The following PTPN13 variants were observed in gnomAD, a reference collection of about 807,000 sequenced individuals.
The protein encoded by PTPN13 is tyrosine-protein phosphatase non-receptor type 13.
A neutral mutation model predicts 284.0 loss-of-function variants in PTPN13; 191 were observed. That is an observed-to-expected ratio of 0.67 (90% CI 0.60 to 0.76). The LOEUF is 0.76. PTPN13 is among the 30% of genes least tolerant of loss of function. The probability of loss-of-function intolerance (pLI) is 0.00; values close to 1 mark genes in which losing one functional copy is unlikely to be tolerated. For synonymous variants in PTPN13, 986 were observed against 1,022.3 expected (o/e 0.96, Z 0.68); for missense variants, 2,797 against 2,939.9 (o/e 0.95, Z 1.12).
At chr4:86,700,802 A>G (rs1731074961) in intron 6 of PTPN13, among the ~76,000 whole-genome samples, 1 of 152,196 alleles carries the variant, frequency 6.6e-6, no homozygotes, top group Non-Finnish European at 1.5e-5. Context: ...ATGTATTTAA[A>G]AGATCGAAAT....
intron 26 of PTPN13, among the ~76,000 whole-genome samples, chr4:86,766,074 C>A (rs1022982229): frequency 5.3e-5 from 8 of 152,302 alleles, no homozygotes; most frequent in South Asian, 4.1e-4. Context: ...GTGATCCCCC[C>A]ACTTTGGCCT....
At chr4:86,785,791 T>A in intron 39 of PTPN13, 57 bp from the exon 40 acceptor site, 1 of 1,136,480 alleles carries the variant, frequency 8.8e-7, no homozygotes, top group Non-Finnish European at 1.2e-6. Flanking sequence ...AATGAAAACT[T>A]TTCTACTTCC....
intron 10 of PTPN13, among the ~76,000 whole-genome samples, chr4:86,723,783 A>T (rs1733931015): frequency 6.6e-6 from 1 of 152,196 alleles, no homozygotes; most frequent in Admixed American, 6.5e-5. Context: ...CATTTGTAAC[A>T]TTAGTTTAAA....
rs533329147 is a variant in PTPN13, at chr4:86,774,172, G to A, written c.5350-201G>A. On this transcript the variant is annotated intron_variant, in intron 32 of 47. Transcript: ENST00000411767. ...TGTTGTGCTTAAACATAACTTTTACGTGGGATGCAGTGGGGGGACAGTCTG... is the reference window on the plus strand; with the variant it reads ...TGTTGTGCTTAAACATAACTTTTACATGGGATGCAGTGGGGGGACAGTCTG... Among the ~76,000 whole-genome samples the A allele has an allele frequency of 6.6e-5, 10 of 152,158 alleles. No individual in the cohort carries two copies. In the South Asian group the frequency reaches 8.3e-4, roughly 13 times the overall value.
At chr4:86,745,222 C>A in intron 17 of PTPN13, 94 bp downstream of exon 17, 1 of 1,205,156 alleles carries the variant, frequency 8.3e-7, no homozygotes, top group Admixed American at 2.7e-5. Flanking sequence ...AGGATGAAAA[C>A]TTACAATGTA....
rs112240670 is a variant in PTPN13, at chr4:86,801,179, T to C, written c.6505+1975T>C. Among the ~76,000 whole-genome samples, 199 of 152,350 alleles carry C rather than the reference T, an allele frequency of 1.3e-3. 2 individuals carry two copies. The highest frequency in any genetic ancestry group is 4.5e-3 in the African/African-American group (189 of 41,584). ...TAGACCCATAGCTCTTCTAAGATAG[T>C]TGACTCAACTCCCAAAGAATTCAAG... On this transcript the variant is annotated intron_variant, in intron 42 of 47. Transcript: ENST00000411767.
At chr4:86,702,659 C>A (rs1731291002) in intron 7 of PTPN13, among the ~76,000 whole-genome samples, 1 of 152,058 alleles carries the variant, frequency 6.6e-6, no homozygotes, top group Non-Finnish European at 1.5e-5. Context: ...ATGTCCAAGA[C>A]ATATGGATAG....
In PTPN13 at chr4:86,770,172, G is replaced by A. The variant is rs545287459; in HGVS notation, c.4776G>A (p.Val1592=). 6.2e-7 allele frequency: 1 copy of A among 1,613,696 alleles called. No homozygotes were observed. Among genetic ancestry groups the A allele is most frequent in the East Asian group, 2.2e-5 (1 of 44,880 alleles). The part of the protein sequence containing the change: ...FLLLCRPPPG[V]LPEIDTALLT... ...TTCTCTGCAGACCTCCACCTGGTGT[G>A]CTACCGGAAATTGATACTGCGCTTT... The change falls in exon 30 of 48, where the codon GTG becomes GTA. Residue 1592 remains valine, a synonymous_variant. Coordinates refer to ENST00000411767, the MANE Select transcript of PTPN13 (RefSeq NM_080683.3).
At chr4:86,739,090 G>A (rs1370360942) in intron 15 of PTPN13, among the ~76,000 whole-genome samples, 1 of 151,952 alleles carries the variant, frequency 6.6e-6, no homozygotes, top group African/African-American at 2.4e-5. Context: ...CCCAACCCAG[G>A]GTCACAGACA....
chr4:86,646,888 G>A (rs1339960154), intron 2 of PTPN13, among the ~76,000 whole-genome samples: 21 of 152,202 alleles, frequency 1.4e-4, no homozygotes, highest in Non-Finnish European at 2.9e-5. Flanking sequence ...TCAATAAAAA[G>A]GAGTGAACTA....
In PTPN13 at chr4:86,672,471, G is replaced by A; in HGVS notation, c.222G>A (p.Gln74=). The A allele has an allele frequency of 6.2e-7, 1 of 1,600,464 alleles. No homozygotes were observed. Among genetic ancestry groups the A allele is most frequent in the East Asian group, 2.2e-5 (1 of 44,600 alleles). Residue 74 remains glutamine (Q), a synonymous_variant, in exon 3 of 48, where the codon CAG becomes CAA. Coordinates refer to ENST00000411767, the MANE Select transcript of PTPN13 (RefSeq NM_080683.3). The part of the protein sequence containing the change: ...VSFTDENISN[Q]DLRAFTAPEV... ...TTACAGATGAAAATATTTCCAATCA[G>A]GATCTTCGAGCATTCACTGCACCAG... is the stretch of plus-strand genomic sequence containing the variant.
At chr4:86,770,310 C>A in intron 30 of PTPN13, 111 bp downstream of exon 30, 3 of 987,018 alleles carry the variant, frequency 3.0e-6, no homozygotes, top group South Asian at 1.5e-5. Flanking sequence ...TCATACCTAG[C>A]TACTTGTTTT....
intron 2 of PTPN13, among the ~76,000 whole-genome samples, chr4:86,658,016 G>C (rs1354305288): frequency 1.3e-5 from 2 of 152,166 alleles, no homozygotes; most frequent in African/African-American, 4.8e-5. Flanking sequence ...ACCAGCGTTT[G>C]CCTGAGGACT....
intron 5 of PTPN13, among the ~76,000 whole-genome samples, chr4:86,690,742 A>AT (rs144556149): frequency 6.6e-6 from 1 of 151,942 alleles, no homozygotes; most frequent in African/African-American, 2.4e-5. Context: ...TGAATGAAGA[A>AT]TTTTTTTTCT....
intron 3 of PTPN13, among the ~76,000 whole-genome samples, chr4:86,683,790 T>A (rs1219492696): frequency 6.6e-6 from 1 of 152,186 alleles, no homozygotes; most frequent in East Asian, 1.9e-4. Flanking sequence ...TATTGAGAAG[T>A]AAGTATAATA....
intron 35 of PTPN13, among the ~76,000 whole-genome samples, chr4:86,779,747 T>TC (rs1578652303): frequency 6.6e-6 from 1 of 152,156 alleles, no homozygotes; most frequent in Non-Finnish European, 1.5e-5. Context: ...CCCTCTTCTC[T>TC]CAATTATCAG....
chr4:86,768,574 A>G (rs1172327939), intron 28 of PTPN13, among the ~76,000 whole-genome samples: 1 of 152,180 alleles, frequency 6.6e-6, no homozygotes. Context: ...ATTTTACACA[A>G]ACGTTAGCAA....
chr4:86,667,814 G>A (rs1727251442), intron 2 of PTPN13, among the ~76,000 whole-genome samples: 1 of 152,154 alleles, frequency 6.6e-6, no homozygotes, highest in African/African-American at 2.4e-5. Context: ...TCATGTCATT[G>A]TTGTTCTAAG....
intron 12 of PTPN13, among the ~76,000 whole-genome samples, 183 bp from the exon 13 acceptor site, chr4:86,734,120 G>A (rs1000522046): frequency 2.0e-5 from 3 of 152,110 alleles, no homozygotes; most frequent in Non-Finnish European, 2.9e-5. Flanking sequence ...TTAAAAGAGT[G>A]GGCCATATTG....
Sources: allele counts gnomAD v4.1 joint callset (sites outside exome capture counted in the v4.1 genomes callset), GRCh38; gene constraint gnomAD v4.1.1; transcripts MANE v1.5; gene names NCBI Gene and HGNC (gene_info 2026-07-23, HGNC 2026-07-21).